The following SSTR5 variants were observed in gnomAD, a reference collection of about 807,000 sequenced individuals.
SSTR5 encodes the protein somatostatin receptor type 5.
In SSTR5, 1 loss-of-function variant was observed where a neutral mutation model predicts 0.3. The ratio of observed to expected loss-of-function variants is 2.98; its 90% CI spans 1.06 to 14.15. SSTR5 has a LOEUF of 14.15. SSTR5 is among the 30% of genes most tolerant of loss of function. The probability of loss-of-function intolerance (pLI) is 0.12; values close to 1 mark genes in which losing one functional copy is unlikely to be tolerated. For synonymous variants in SSTR5, 256 were observed against 263.1 expected (o/e 0.97, Z 0.26); for missense variants, 516 against 543.2 (o/e 0.95, Z 0.50).
In SSTR5 at chr16:1,079,488, TG is replaced by T; in HGVS notation, c.621del (p.Leu208TrpfsTer19). ...WGAVFIIYTA[V>X]LGFFAPLLVI... ...GCCGTCTTCATCATCTACACGGCCG[TG>T]CTGGGCTTCTTCGCGCCGCTGCTGG... On this transcript the variant is annotated frameshift_variant, in exon 2 of 2. Coordinates refer to ENST00000689027, the MANE Select transcript of SSTR5 (RefSeq NM_001172560.3). LOFTEE classifies it low-confidence loss of function (END_TRUNC). 1 of 1,611,536 alleles carries T rather than the reference TG, an allele frequency of 6.2e-7. No individual in the cohort carries two copies. Among genetic ancestry groups the T allele is most frequent in the Non-Finnish European group, 8.5e-7 (1 of 1,179,284 alleles).
Position 1,079,099 on chromosome 16 carries a change from C to G in SSTR5, c.231C>G (p.Ile77Met). 1 of 1,612,738 alleles carries G rather than the reference C, an allele frequency of 6.2e-7. No homozygotes were observed. Residue 77 changes from isoleucine (I) to methionine (M), a missense_variant, in exon 2 of 2, where the codon ATC becomes ATG. By Grantham distance (10) the Ile-to-Met change is conservative. Coordinates refer to ENST00000689027, the MANE Select transcript of SSTR5 (RefSeq NM_001172560.3). ...CCAAGATGAAGACCGTCACCAACAT[C>G]TACATTCTCAACCTGGCAGTGGCCG... ...RFAKMKTVTN[I>M]YILNLAVADV...
At chr16:1,078,739 C>CCG (rs1159780898) in intron 1 of SSTR5, 103 bp from the exon 2 acceptor site, 2 of 1,082,780 alleles carry the variant, frequency 1.8e-6, no homozygotes, top group Admixed American at 2.2e-5. Flanking sequence ...CCCGGTGATC[C>CCG]CGCGCCTCCT....
rs915768011 is a variant in SSTR5, at chr16:1,072,799, C to A, written c.-51C>A. ...TGCCGCGCGGACATCGGGGCTCCCCCGTTCAGAGGGCGCCGCCGCCCAGGT... is the reference window on the plus strand; with the variant it reads ...TGCCGCGCGGACATCGGGGCTCCCCAGTTCAGAGGGCGCCGCCGCCCAGGT... On this transcript the variant is annotated 5_prime_UTR_variant, in exon 1 of 2. Coordinates refer to ENST00000689027, the MANE Select transcript of SSTR5 (RefSeq NM_001172560.3). 8.6e-5 allele frequency among the ~76,000 whole-genome samples: 13 copies of A among 151,198 alleles called. No individual in the cohort carries two copies. The highest frequency in any genetic ancestry group is 2.1e-4 in the South Asian group (1 of 4,786).
chr16:1,075,552 A>T (rs1960175894), intron 1 of SSTR5, among the ~76,000 whole-genome samples: 1 of 152,034 alleles, frequency 6.6e-6, no homozygotes. Flanking sequence ...CCGGAGCCCG[A>T]CAGCCGCCCT....
chr16:1,079,564 C>T lies in SSTR5; in HGVS notation c.696C>T (p.Gly232=), dbSNP rs778023545. 16 of 1,611,420 alleles carry T rather than the reference C, an allele frequency of 9.9e-6. No homozygotes were observed. The highest frequency in any genetic ancestry group is 1.7e-5 in the Admixed American group (1 of 59,874). ...LLIVVKVRAA[G]VRVGCVRRRS... is the part of the protein sequence containing the mutation. ...TCGTGGTGAAGGTGAGGGCGGCGGGCGTGCGCGTGGGCTGCGTGCGGCGGC... is the reference window on the plus strand; with the variant it reads ...TCGTGGTGAAGGTGAGGGCGGCGGGTGTGCGCGTGGGCTGCGTGCGGCGGC... The change falls in exon 2 of 2, where the codon GGC becomes GGT. Residue 232 remains glycine (G), a synonymous_variant. Coordinates refer to ENST00000689027, the MANE Select transcript of SSTR5 (RefSeq NM_001172560.3).
intron 1 of SSTR5, among the ~76,000 whole-genome samples, chr16:1,075,292 C>A (rs1195891694): frequency 1.3e-5 from 2 of 152,152 alleles, no homozygotes; most frequent in African/African-American, 4.8e-5. Context: ...GAGCCCCTCG[C>A]TGGGCTCTGG....
At chr16:1,075,241 G>T (rs1339265037) in intron 1 of SSTR5, among the ~76,000 whole-genome samples, 2 of 152,204 alleles carry the variant, frequency 1.3e-5, no homozygotes, top group African/African-American at 4.8e-5. Flanking sequence ...TCCGGAGGTG[G>T]AGCACTGGGG....
In SSTR5 at chr16:1,076,916, C is replaced by T. The variant is rs577312798; in HGVS notation, c.-27-1926C>T. On this transcript the variant is annotated intron_variant, in intron 1 of 1. Coordinates refer to ENST00000689027, the MANE Select transcript of SSTR5 (RefSeq NM_001172560.3). ...CCTGTTTGCTCGTTATTTTTATCTC[C>T]CTGAGATGGATCCATGGGTCCACTG... Among the ~76,000 whole-genome samples the T allele has an allele frequency of 2.6e-5, 4 of 152,218 alleles. No individual in the cohort carries two copies. In the South Asian group the frequency reaches 8.3e-4, roughly 32 times the overall value.
chr16:1,079,934 A>T lies in SSTR5; in HGVS notation c.1066A>T (p.Asn356Tyr), dbSNP rs766431249. The T allele has an allele frequency of 1.2e-6, 2 of 1,605,530 alleles. No individual in the cohort carries two copies. Among genetic ancestry groups the T allele is most frequent in the Non-Finnish European group, 1.7e-6 (2 of 1,176,694 alleles). ...ATPPAHRAAA[N>Y]GLMQTSKL ...GCCACCCGCGCACCGCGCCGCAGCC[A>T]ACGGGCTTATGCAGACCAGCAAGCT... is the stretch of plus-strand genomic sequence containing the variant. Residue 356 changes from asparagine (N) to tyrosine (Y), a missense_variant, in exon 2 of 2, where the codon AAC becomes TAC. Physicochemically the swap from Asn to Tyr is moderately radical, Grantham distance 143. Transcript: ENST00000689027.
chr16:1,079,246 T>C lies in SSTR5; in HGVS notation c.378T>C (p.Ser126=), dbSNP rs202124294. 117 of 1,612,392 alleles carry C rather than the reference T, an allele frequency of 7.3e-5. No individual in the cohort carries two copies. The highest frequency in any genetic ancestry group is 9.6e-5 in the Non-Finnish European group (113 of 1,179,846). The stretch of plus-strand genomic sequence containing the variant: ...TGGACGGCGTCAACCAGTTCACCAG[T>C]GTCTTCTGCCTGACAGTCATGAGCG... ...MTLDGVNQFT[S]VFCLTVMSVD... The change falls in exon 2 of 2, where the codon AGT becomes AGC. Residue 126 remains serine, a synonymous_variant. Transcript: ENST00000689027.
chr16:1,075,187 G>A (rs1167872710), intron 1 of SSTR5, among the ~76,000 whole-genome samples: 2 of 152,310 alleles, frequency 1.3e-5, no homozygotes, highest in African/African-American at 4.8e-5. Flanking sequence ...GTCAGGTACA[G>A]CAATAATGGT....
rs1960333757 is a variant in SSTR5 at position 1,080,027 on chromosome 16, C to A, written c.*64C>A. The stretch of plus-strand genomic sequence containing the variant: ...AGGAGCGGAGGTTGCACTGCGGTGA[C>A]CCCCACCCATGACCTGCCAGTCAGG... On this transcript the variant is annotated 3_prime_UTR_variant, in exon 2 of 2. Transcript: ENST00000689027. 1.0e-5 allele frequency: 15 copies of A among 1,495,928 alleles called. No homozygotes were observed. The highest frequency in any genetic ancestry group is 1.4e-5 in the South Asian group (1 of 74,038). The allele number at this position is 1,495,928 out of a possible 1,614,324, so 92.7% of individuals were successfully genotyped here.
intron 1 of SSTR5, among the ~76,000 whole-genome samples, chr16:1,077,206 G>A (rs1596236031): frequency 6.6e-6 from 1 of 152,300 alleles, no homozygotes; most frequent in Admixed American, 6.5e-5. Flanking sequence ...TCCAGGGTCA[G>A]GGCCGGTCAG....
intron 1 of SSTR5, chr16:1,078,525 C>T (rs1443194300): frequency 7.7e-6 from 3 of 391,934 alleles, no homozygotes; most frequent in African/African-American, 6.2e-5. Flanking sequence ...CAGGTGCTGG[C>T]CTCAGACTCC....
intron 1 of SSTR5, among the ~76,000 whole-genome samples, 41 bp downstream of exon 1, chr16:1,072,863 C>T (rs1343982611): frequency 6.6e-6 from 1 of 151,956 alleles, no homozygotes; most frequent in Admixed American, 6.6e-5. Flanking sequence ...GCGCGGGCAC[C>T]CCCTGCCCTC....
chr16:1,079,961 TG>T lies in SSTR5; in HGVS notation c.1094del (p.Ter365=). The T allele has an allele frequency of 1.9e-6, 3 of 1,599,180 alleles. No individual in the cohort carries two copies. Among genetic ancestry groups the T allele is most frequent in the Non-Finnish European group, 2.6e-6 (3 of 1,173,368 alleles). On this transcript the variant is annotated frameshift_variant and stop_lost, in exon 2 of 2. Coordinates refer to ENST00000689027, the MANE Select transcript of SSTR5 (RefSeq NM_001172560.3). LOFTEE classifies it high-confidence loss of function. ...CGGGCTTATGCAGACCAGCAAGCTG[TG>T]AGAGTGCAGGCGGGGGGTGGGCGGC... ...ANGLMQTSKL[*>X]
At chr16:1,075,668 C>T (rs1960178012) in intron 1 of SSTR5, among the ~76,000 whole-genome samples, 1 of 151,784 alleles carries the variant, frequency 6.6e-6, no homozygotes, top group Non-Finnish European at 1.5e-5. Flanking sequence ...GCTCAGAGGC[C>T]TCTGCACCTG....
intron 1 of SSTR5, chr16:1,078,628 C>T: frequency 3.4e-6 from 2 of 594,502 alleles, no homozygotes; most frequent in South Asian, 4.0e-5. Context: ...GTCTGGGCTC[C>T]CGGGGCCACC....
intron 1 of SSTR5, 195 bp from the exon 2 acceptor site, chr16:1,078,647 G>C (rs904359468): frequency 1.6e-6 from 1 of 622,600 alleles, no homozygotes; most frequent in South Asian, 2.0e-5. Flanking sequence ...CCTGCCCGCC[G>C]CTCCTTCCTC....
Sources: gnomAD v4.1 joint callset for allele counts (sites outside exome capture counted in the v4.1 genomes callset) on GRCh38, gnomAD v4.1.1 for gene constraint, MANE v1.5 for transcripts, NCBI Gene and HGNC (gene_info 2026-07-23, HGNC 2026-07-21) for gene names.